HDAC9: variants seen among roughly 807,000 people sequenced by gnomAD.
HDAC9 encodes histone deacetylase 9, also known as MEF-2 interacting transcription repressor (MITR) protein.
Under a neutral mutation model 139.4 loss-of-function variants are expected in HDAC9, and 41 were observed. That is an observed-to-expected ratio of 0.29 (90% confidence interval 0.23 to 0.38). The LOEUF (loss-of-function observed/expected upper bound fraction) is 0.38. Among genes scored for constraint, HDAC9 ranks in the 10% least tolerant of loss-of-function variants. The pLI is 1.00. For synonymous variants in HDAC9, 517 were observed against 476.2 expected (o/e 1.09, Z -1.12); for missense variants, 1,147 against 1,297.0 (o/e 0.88, Z 1.78).
intron 1 of HDAC9, among the ~76,000 whole-genome samples, chr7:18,423,872 G>T (rs1386843685): frequency 1.3e-5 from 2 of 152,178 alleles, no homozygotes; most frequent in East Asian, 3.9e-4. Flanking sequence ...TTCACAGCAA[G>T]GGAAAGTGGA....
intron 1 of HDAC9, among the ~76,000 whole-genome samples, chr7:18,138,556 G>GTGTGTA (rs1273378963): frequency 7.5e-6 from 1 of 133,488 alleles, no homozygotes; most frequent in African/African-American, 3.3e-5. Context: ...GTGTGTGTGT[G>GTGTGTA]TGTGTGTGCA....
In HDAC9 at chr7:18,293,457, A is replaced by G. The variant is rs556179508; in HGVS notation, c.-42+2942A>G. Among the ~76,000 whole-genome samples the G allele has an allele frequency of 5.9e-5, 9 of 152,222 alleles. No individual in the cohort carries two copies. The South Asian group carries it at 1.0e-3, about 18-fold the overall frequency. Reference sequence around the variant, plus strand: ...CTCACTGATAGGTGGGAATTGAACAATGAGAACACATGGACACAGGAAGGG... The same window carrying G: ...CTCACTGATAGGTGGGAATTGAACAGTGAGAACACATGGACACAGGAAGGG... On this transcript the variant is annotated intron_variant, in intron 1 of 3. Transcript: ENST00000413509.
At chr7:18,828,688 C>G (rs1161581304) in intron 17 of HDAC9, among the ~76,000 whole-genome samples, 1 of 152,090 alleles carries the variant, frequency 6.6e-6, no homozygotes, top group Admixed American at 6.6e-5. Context: ...GTAAATTTAT[C>G]ATTTTACTGA....
chr7:18,618,430 G>C (rs1839270728), intron 6 of HDAC9, among the ~76,000 whole-genome samples: 1 of 151,922 alleles, frequency 6.6e-6, no homozygotes, highest in Non-Finnish European at 1.5e-5. Flanking sequence ...TGATACCCAG[G>C]ATATTATCAG....
intron 23 of HDAC9, among the ~76,000 whole-genome samples, chr7:18,950,275 T>C (rs1782700356): frequency 6.6e-6 from 1 of 152,132 alleles, no homozygotes; most frequent in African/African-American, 2.4e-5. Flanking sequence ...TTTCCCTGCA[T>C]TTCTGATCTA....
At chr7:18,734,161 A>G (rs941974974) in intron 13 of HDAC9, among the ~76,000 whole-genome samples, 2 of 152,090 alleles carry the variant, frequency 1.3e-5, no homozygotes, top group Non-Finnish European at 2.9e-5. Context: ...TCTCTGAGTC[A>G]CATTTGGGTA....
intron 2 of HDAC9, among the ~76,000 whole-genome samples, chr7:18,285,075 AG>A (rs1373826335): frequency 6.6e-6 from 1 of 152,142 alleles, no homozygotes; most frequent in South Asian, 2.1e-4. Context: ...CAGAAGCTAA[AG>A]GACAAGTAAA....
chr7:18,954,169 T>C lies in HDAC9; in HGVS notation c.2961T>C (p.Ile987=). ...GNELEPLAED[I]LHQSPNMNAV... ...AGCTGGAGCCACTTGCAGAAGATAT[T>C]CTCCACCAAAGCCCGAATATGAATG... Residue 987 remains isoleucine, a synonymous_variant, in exon 24 of 26, where the codon ATT becomes ATC. Coordinates refer to ENST00000686413, the MANE Select transcript of HDAC9 (RefSeq NM_178425.4). 6.4e-7 allele frequency: 1 copy of C among 1,574,422 alleles called. No homozygotes were observed. Among genetic ancestry groups the C allele is most frequent in the Non-Finnish European group, 8.7e-7 (1 of 1,154,776 alleles).
At chr7:18,968,758 G>A (rs183832050) in intron 24 of HDAC9, among the ~76,000 whole-genome samples, 5 of 152,128 alleles carry the variant, frequency 3.3e-5, no homozygotes, top group East Asian at 3.9e-4. Flanking sequence ...AGGAGATCGA[G>A]ACCATCCTGG....
At chr7:18,744,916 A>G (rs1360433940) in intron 13 of HDAC9, among the ~76,000 whole-genome samples, 2 of 152,282 alleles carry the variant, frequency 1.3e-5, no homozygotes, top group East Asian at 3.9e-4. Flanking sequence ...GAAAACAAAC[A>G]ACTGTTGTTT....
chr7:18,954,118 C>G, intron 23 of HDAC9, 28 bp from the exon 24 acceptor site: 1 of 1,459,970 alleles, frequency 6.8e-7, no homozygotes, highest in Non-Finnish European at 9.4e-7. Flanking sequence ...TAATATTCTG[C>G]TCATACTATT....
chr7:18,595,878 G>T (rs1348945370), intron 6 of HDAC9, among the ~76,000 whole-genome samples: 1 of 152,044 alleles, frequency 6.6e-6, no homozygotes, highest in Non-Finnish European at 1.5e-5. Flanking sequence ...CATGCGAACA[G>T]CTTAAGGTTT....
In HDAC9 at chr7:18,975,818, A is replaced by C; in HGVS notation, c.3035A>C (p.Lys1012Thr). The C allele has an allele frequency of 6.2e-7, 1 of 1,613,722 alleles. No individual in the cohort carries two copies. The highest frequency in any genetic ancestry group is 8.5e-7 in the Non-Finnish European group (1 of 1,179,776). ...ATGTTTTTCCTAGGCAAGTATTGGAAGTCAGTAAGGATGGTGGCTGTGCCA... is the reference window on the plus strand; with the variant it reads ...ATGTTTTTCCTAGGCAAGTATTGGACGTCAGTAAGGATGGTGGCTGTGCCA... ...KIIEIQSKYW[K>T]SVRMVAVPRG... The change falls in exon 25 of 26, where the codon AAG becomes ACG. Residue 1012 changes from lysine to threonine, a missense_variant. Coordinates refer to ENST00000686413, the MANE Select transcript of HDAC9 (RefSeq NM_178425.4).
Position 18,996,777 on chromosome 7 carries a change from G to A in HDAC9, c.*715G>A, listed in dbSNP as rs920951360. The A allele has an allele frequency of 6.6e-6, 1 of 152,010 alleles. No homozygotes were observed. Among genetic ancestry groups the A allele is most frequent in the African/African-American group, 2.4e-5 (1 of 41,382 alleles). The allele number at this position is 152,010 out of a possible 1,614,324, so 9.4% of individuals were successfully genotyped here. A position where few individuals can be genotyped will look rare whatever the true frequency, so the allele number is the denominator to read the frequency against. ...TTTTTTAAACATCCCCAACATCTTTGTGTTCTCACACACAGGCAATTTGCA... is the reference window on the plus strand; with the variant it reads ...TTTTTTAAACATCCCCAACATCTTTATGTTCTCACACACAGGCAATTTGCA... On this transcript the variant is annotated 3_prime_UTR_variant, in exon 26 of 26. Transcript: ENST00000686413.
At chr7:18,252,583 A>G (rs1794984905) in intron 2 of HDAC9, among the ~76,000 whole-genome samples, 1 of 152,128 alleles carries the variant, frequency 6.6e-6, no homozygotes, top group South Asian at 2.1e-4. Flanking sequence ...GGAGTTGTAT[A>G]TAATTCATTT....
At chr7:18,409,456 G>A (rs1788337856) in intron 1 of HDAC9, among the ~76,000 whole-genome samples, 1 of 152,096 alleles carries the variant, frequency 6.6e-6, no homozygotes, top group African/African-American at 2.4e-5. Flanking sequence ...TTATAGACAA[G>A]CATAGAAGAA....
intron 1 of HDAC9, among the ~76,000 whole-genome samples, chr7:18,357,941 A>T (rs1783453365): frequency 6.6e-6 from 1 of 152,208 alleles, no homozygotes; most frequent in Non-Finnish European, 1.5e-5. Flanking sequence ...GAAAAACAGC[A>T]ACATTATCTG....
intron 1 of HDAC9, among the ~76,000 whole-genome samples, chr7:18,404,423 G>C (rs145436071): frequency 2.5e-4 from 38 of 152,254 alleles, no homozygotes; most frequent in African/African-American, 8.4e-4. Context: ...ATGAGAATAG[G>C]TTGTATATTG....
chr7:18,245,613 G>A (rs949061047), intron 2 of HDAC9, among the ~76,000 whole-genome samples: 2 of 152,118 alleles, frequency 1.3e-5, no homozygotes, highest in African/African-American at 2.4e-5. Flanking sequence ...CTAACTTCAA[G>A]GACACTGAGA....
Sources: allele counts gnomAD v4.1 joint callset (sites outside exome capture counted in the v4.1 genomes callset), GRCh38; gene constraint gnomAD v4.1.1; transcripts MANE v1.5; gene names NCBI Gene and HGNC (gene_info 2026-07-23, HGNC 2026-07-21).